The following RNF111 variants were observed in gnomAD, a reference collection of about 807,000 sequenced individuals.
The protein encoded by RNF111 is E3 ubiquitin-protein ligase Arkadia.
RNF111 carries 17 observed loss-of-function variants against 95.1 expected under a neutral mutation model. The observed-to-expected ratio is 0.18, with a 90% CI of 0.12 to 0.27. The LOEUF (loss-of-function observed/expected upper bound fraction) is 0.27. Ranked by LOEUF, RNF111 falls within the 10% of genes least tolerant of loss-of-function variation. The pLI is 1.00. For missense variants in RNF111, 1,189 were observed against 1,210.4 expected, an observed-to-expected ratio of 0.98 and a Z score of 0.26; for synonymous variants, 440 against 414.8, an observed-to-expected ratio of 1.06 and a Z score of -0.74.
intron 3 of RNF111, among the ~76,000 whole-genome samples, chr15:59,054,017 C>T (rs1212253851): frequency 2.0e-5 from 3 of 152,130 alleles, no homozygotes; most frequent in Non-Finnish European, 2.9e-5. Context: ...CTCACCGCAG[C>T]CTCCATCTCC....
At chr15:59,043,989 T>G (rs1040554759) in intron 2 of RNF111, among the ~76,000 whole-genome samples, 6 of 152,208 alleles carry the variant, frequency 3.9e-5, no homozygotes, top group Non-Finnish European at 8.8e-5. Context: ...CATAATACTA[T>G]ATGTGGCACA....
chr15:59,032,760 CTT>C (rs1456546645), intron 2 of RNF111, among the ~76,000 whole-genome samples: 2 of 152,102 alleles, frequency 1.3e-5, no homozygotes, highest in Non-Finnish European at 2.9e-5. Context: ...TTTCAAGTAA[CTT>C]TTATTCTAAT....
At chr15:59,086,409 G>A (rs1278742941) in intron 10 of RNF111, among the ~76,000 whole-genome samples, 3 of 152,174 alleles carry the variant, frequency 2.0e-5, no homozygotes, top group Non-Finnish European at 4.4e-5. Flanking sequence ...TTGAGCCAGG[G>A]CACCCAGCCT....
Position 59,061,117 on chromosome 15 carries a change from C to T in RNF111, c.1366+2567C>T, listed in dbSNP as rs537284234. Among the ~76,000 whole-genome samples, 7 of 152,190 alleles carry T rather than the reference C, an allele frequency of 4.6e-5. No homozygotes were observed. In the South Asian group the frequency reaches 1.0e-3, roughly 23 times the overall value. On this transcript the variant is annotated intron_variant, in intron 5 of 13. Coordinates refer to ENST00000348370, the MANE Select transcript of RNF111 (RefSeq NM_017610.8). ...CGGCCTATGTGTAGCATTATTCTTA[C>T]GTACATTTTATGTGATACAGTCCCA...
chr15:59,005,275 G>T (rs1418644455), intron 1 of RNF111, among the ~76,000 whole-genome samples: 3 of 152,110 alleles, frequency 2.0e-5, no homozygotes, highest in Non-Finnish European at 4.4e-5. Flanking sequence ...AGTCCTCCCT[G>T]CATGAAGTGC....
rs965434960 is a variant in RNF111, at chr15:59,060,804, A to T, written c.1366+2254A>T. Among the ~76,000 whole-genome samples the T allele has an allele frequency of 8.0e-3, 1,175 of 147,170 alleles. 6 individuals are homozygous for T. The highest frequency in any genetic ancestry group is 0.012 in the African/African-American group (465 of 39,300). On this transcript the variant is annotated intron_variant, in intron 5 of 13. Coordinates refer to ENST00000348370, the MANE Select transcript of RNF111 (RefSeq NM_017610.8). Reference sequence around the variant, plus strand: ...ATGTAGCATTATTATTATTATTATTATTATTTTTTTTTTTGTGAGACAGGT... The same window carrying T: ...ATGTAGCATTATTATTATTATTATTTTTATTTTTTTTTTTGTGAGACAGGT...
intron 5 of RNF111, among the ~76,000 whole-genome samples, chr15:59,065,945 A>G (rs1425866321): frequency 6.6e-6 from 1 of 151,914 alleles, no homozygotes; most frequent in Non-Finnish European, 1.5e-5. Flanking sequence ...AATATATACA[A>G]TGTATATATT....
intron 1 of RNF111, among the ~76,000 whole-genome samples, chr15:59,027,496 G>A (rs1337749719): frequency 6.6e-6 from 1 of 151,566 alleles, no homozygotes; most frequent in African/African-American, 2.4e-5. Flanking sequence ...AACATTTTCA[G>A]TTCACTGAAA....
intron 1 of RNF111, among the ~76,000 whole-genome samples, chr15:59,020,151 A>G (rs957364456): frequency 1.3e-5 from 2 of 148,762 alleles, no homozygotes; most frequent in Admixed American, 1.3e-4. Flanking sequence ...TGTTAGATAT[A>G]TAAAATTTGT....
chr15:59,011,773 C>T (rs1200912851), intron 1 of RNF111, among the ~76,000 whole-genome samples: 2 of 152,050 alleles, frequency 1.3e-5, no homozygotes, highest in African/African-American at 4.8e-5. Flanking sequence ...TGTCTTATCT[C>T]TAAATACAGA....
chr15:59,062,643 G>A (rs563297032), intron 5 of RNF111, among the ~76,000 whole-genome samples: 4 of 152,104 alleles, frequency 2.6e-5, no homozygotes, highest in Admixed American at 6.5e-5. Flanking sequence ...AGTGTTGGCC[G>A]GTGGATTTGC....
intron 1 of RNF111, among the ~76,000 whole-genome samples, chr15:58,994,319 G>A (rs554205219): frequency 7.3e-5 from 11 of 151,118 alleles, no homozygotes; most frequent in South Asian, 2.1e-4. Context: ...GATTACAGGC[G>A]TGAGCCACCA....
In RNF111 at chr15:59,003,007, A is replaced by G. The variant is rs947058941; in HGVS notation, c.-20+14939A>G. Reference sequence around the variant, plus strand: ...TTCTTTCTTCCTTTTTTGTGATAAGATCTCATTATGTTGCCAGCGCGGGAT... The same window carrying G: ...TTCTTTCTTCCTTTTTTGTGATAAGGTCTCATTATGTTGCCAGCGCGGGAT... On this transcript the variant is annotated intron_variant, in intron 1 of 13. Transcript: ENST00000348370. 2.0e-5 allele frequency among the ~76,000 whole-genome samples: 3 copies of G among 152,124 alleles called. 1 individual carries two copies. The South Asian group carries it at 6.2e-4, about 32-fold the overall frequency.
chr15:58,990,293 A>C (rs565632013), intron 1 of RNF111, among the ~76,000 whole-genome samples: 1 of 152,140 alleles, frequency 6.6e-6, no homozygotes. Flanking sequence ...GTTTGTCGTA[A>C]TTGAATCCCC....
At chr15:59,091,667 A>T (rs944047148) in intron 12 of RNF111, among the ~76,000 whole-genome samples, 2 of 152,204 alleles carry the variant, frequency 1.3e-5, no homozygotes, top group African/African-American at 4.8e-5. Flanking sequence ...TTATACAGTT[A>T]TGGGGTAGAC....
chr15:59,039,009 G>C (rs2041318051), intron 2 of RNF111, among the ~76,000 whole-genome samples: 1 of 152,148 alleles, frequency 6.6e-6, no homozygotes, highest in Non-Finnish European at 1.5e-5. Flanking sequence ...TTGTTGCCCA[G>C]GCTGGAGTGC....
At chr15:59,020,888 T>TA (rs1222068084) in intron 1 of RNF111, among the ~76,000 whole-genome samples, 29 of 152,338 alleles carry the variant, frequency 1.9e-4, no homozygotes, top group Non-Finnish European at 4.0e-4. Context: ...AACAGTTTTT[T>TA]ATGCCCTTCT....
chr15:59,014,446 A>G (rs540742022), intron 1 of RNF111, among the ~76,000 whole-genome samples: 10 of 152,358 alleles, frequency 6.6e-5, no homozygotes, highest in African/African-American at 1.9e-4. Context: ...AGTGAAGGGT[A>G]AAAATACCTG....
rs1404243331 is a variant in RNF111, at chr15:59,093,420, AC to A, written c.2843+781del. The A allele has an allele frequency of 9.4e-6, 4 of 427,098 alleles. No individual in the cohort carries two copies. In the Admixed American group the frequency reaches 1.1e-4, roughly 12 times the overall value. 26.5% of individuals were successfully genotyped at this position (427,098 alleles called of 1,614,324 possible). ...AGGCTCAGGGCAGCAGTCTCAGCTC[AC>A]TGCAACCTCCACCTCCTGGGCTGAA... On this transcript the variant is annotated intron_variant, in intron 13 of 13. Coordinates refer to ENST00000348370, the MANE Select transcript of RNF111 (RefSeq NM_017610.8).
Sources: allele counts gnomAD v4.1 joint callset (sites outside exome capture counted in the v4.1 genomes callset), GRCh38; gene constraint gnomAD v4.1.1; transcripts MANE v1.5; gene names NCBI Gene and HGNC (gene_info 2026-07-23, HGNC 2026-07-21).